PLA2G4C: variants seen among roughly 807,000 people sequenced by gnomAD.
PLA2G4C encodes the protein cytosolic phospholipase A2 gamma.
In PLA2G4C, 64 loss-of-function variants were observed where a neutral mutation model predicts 73.8. The ratio of observed to expected loss-of-function variants is 0.87; its 90% confidence interval spans 0.71 to 1.07. The LOEUF (loss-of-function observed/expected upper bound fraction) is 1.07, where lower values mean the gene tolerates loss of function less well. Ranked by LOEUF, PLA2G4C falls within the 50% of genes least tolerant of loss-of-function variation. PLA2G4C has a pLI of 0.00. For synonymous variants in PLA2G4C, 254 were observed against 252.1 expected (o/e 1.01, Z -0.07); for missense variants, 622 against 665.4 (o/e 0.93, Z 0.72).
At chr19:48,079,445 G>A (rs1167839670) in intron 10 of PLA2G4C, among the ~76,000 whole-genome samples, 2 of 152,132 alleles carry the variant, frequency 1.3e-5, no homozygotes, top group African/African-American at 4.8e-5. Flanking sequence ...TCAACAAATG[G>A]TGCTGGGATA....
At chr19:48,050,789 C>T (rs1481295837) in intron 16 of PLA2G4C, among the ~76,000 whole-genome samples, 1 of 150,638 alleles carries the variant, frequency 6.6e-6, no homozygotes, top group Non-Finnish European at 1.5e-5. Context: ...ATCCTCCTAC[C>T]TCAGCCTCCT....
chr19:48,051,902 C>T (rs1487916110), intron 16 of PLA2G4C: 1 of 120,888 alleles, frequency 8.3e-6, no homozygotes, highest in East Asian at 2.3e-4. Flanking sequence ...TTTTTAGAGG[C>T]AAGGTCTTGC....
At position 48,105,252 on chromosome 19, in the gene PLA2G4C, C is replaced by T. The variant is rs534916568; in HGVS notation, c.120+81G>A. On this transcript the variant is annotated intron_variant, in intron 3 of 16. Transcript: ENST00000599921. ...TTCATATCCTTCGGTCCAGCTCTCC[C>T]TGGCTGAGTTGGGCCCTGGACACTG... 89 of 870,670 alleles carry T rather than the reference C, an allele frequency of 1.0e-4. No individual in the cohort carries two copies. In the East Asian group the frequency reaches 1.9e-3, roughly 19 times the overall value. The allele number at this position is 870,670 out of a possible 1,614,324, so 53.9% of individuals were successfully genotyped here.
At chr19:48,055,377 C>T (rs1309325022) in intron 14 of PLA2G4C, among the ~76,000 whole-genome samples, 1 of 127,924 alleles carries the variant, frequency 7.8e-6, no homozygotes, top group Non-Finnish European at 1.6e-5. Context: ...TGTTGGAGAC[C>T]TCATCTCTAC....
rs769384259 is a variant in PLA2G4C, at chr19:48,106,509, TAA to T, written c.8+11_8+12del. Reference sequence around the variant, plus strand: ...TCTGCTTCCCCATAGTGGTCAGCTCTAAGAGGACTTACCTTCCCATGGTGCAC... The same window carrying T: ...TCTGCTTCCCCATAGTGGTCAGCTCTGAGGACTTACCTTCCCATGGTGCAC... On this transcript the variant is annotated intron_variant, in intron 2 of 16. Coordinates refer to ENST00000599921, the MANE Select transcript of PLA2G4C (RefSeq NM_003706.3). The T allele has an allele frequency of 6.2e-7, 1 of 1,600,864 alleles. No individual in the cohort carries two copies. Among genetic ancestry groups the T allele is most frequent in the East Asian group, 2.2e-5 (1 of 44,810 alleles).
intron 2 of PLA2G4C, among the ~76,000 whole-genome samples, chr19:48,106,293 A>G (rs2032233743): frequency 6.6e-6 from 1 of 151,930 alleles, no homozygotes; most frequent in Non-Finnish European, 1.5e-5. Flanking sequence ...GGGTTTCACC[A>G]TGTTGCCCAG....
chr19:48,055,910 C>T (rs1359190870), intron 14 of PLA2G4C, among the ~76,000 whole-genome samples: 1 of 152,112 alleles, frequency 6.6e-6, no homozygotes, highest in Admixed American at 6.6e-5. Flanking sequence ...AGGCATGAGC[C>T]ACCGCGCCCG....
intron 11 of PLA2G4C, among the ~76,000 whole-genome samples, chr19:48,075,971 G>T (rs565302984): frequency 6.6e-5 from 10 of 152,202 alleles, no homozygotes; most frequent in Non-Finnish European, 1.3e-4. Context: ...ATTAAAGCCC[G>T]CCATGTGGCA....
chr19:48,055,178 T>C, intron 14 of PLA2G4C, 129 bp from the exon 15 acceptor site: 1 of 800,408 alleles, frequency 1.2e-6, no homozygotes, highest in Non-Finnish European at 2.0e-6. Flanking sequence ...AAGGGTCAGC[T>C]TGGACAGGGA....
chr19:48,049,267 CTTT>C (rs1320233616), intron 16 of PLA2G4C, among the ~76,000 whole-genome samples: 3 of 152,196 alleles, frequency 2.0e-5, no homozygotes, highest in Non-Finnish European at 4.4e-5. Context: ...TTTGCATTTA[CTTT>C]TCCTTTGCAC....
At position 48,055,091 on chromosome 19, in the gene PLA2G4C, GAAGACCC is replaced by G. The variant is rs770054774; in HGVS notation, c.1258-49_1258-43del. The stretch of plus-strand genomic sequence containing the variant: ...AAGAAATGGTTGCAAGACCTCTCCA[GAAGACCC>G]CTCCAGAAGACCCCTGGGGCCTGGA... On this transcript the variant is annotated intron_variant, in intron 14 of 16. Coordinates refer to ENST00000599921, the MANE Select transcript of PLA2G4C (RefSeq NM_003706.3). 13 of 227,748 alleles carry G rather than the reference GAAGACCC, an allele frequency of 5.7e-5. No individual in the cohort carries two copies. In the East Asian group the frequency reaches 7.5e-3, roughly 132 times the overall value. 14.1% of individuals were successfully genotyped at this position (227,748 alleles called of 1,614,324 possible).
At chr19:48,093,914 C>T (rs2031440321) in intron 7 of PLA2G4C, among the ~76,000 whole-genome samples, 1 of 152,172 alleles carries the variant, frequency 6.6e-6, no homozygotes, top group African/African-American at 2.4e-5. Flanking sequence ...GCTCTTCTCT[C>T]TCCTGCTACC....
At chr19:48,090,625 G>A (rs1320674702) in intron 7 of PLA2G4C, 1 of 573,774 alleles carries the variant, frequency 1.7e-6, no homozygotes, top group Non-Finnish European at 3.1e-6. Flanking sequence ...AAACAAGACA[G>A]ATAAAGTCCT....
chr19:48,092,458 T>C (rs572021605), intron 7 of PLA2G4C, among the ~76,000 whole-genome samples: 153 of 152,324 alleles, frequency 1.0e-3, no homozygotes, highest in Non-Finnish European at 1.6e-3. Context: ...CATAGACCCA[T>C]GTGCATGGCA....
intron 10 of PLA2G4C, among the ~76,000 whole-genome samples, chr19:48,079,117 C>A (rs1310355475): frequency 3.3e-5 from 5 of 152,168 alleles, no homozygotes; most frequent in Non-Finnish European, 2.9e-5. Context: ...ATCCACCCGC[C>A]TTGGCCTCCC....
chr19:48,110,531 T>TGCTCCGGAATCCGTTGCGGAGGCTTGG lies in PLA2G4C; in HGVS notation c.-78_-77insCCAAGCCTCCGCAACGGATTCCGGAGC. On this transcript the variant is annotated 5_prime_UTR_variant, in exon 1 of 17. Coordinates refer to ENST00000599921, the MANE Select transcript of PLA2G4C (RefSeq NM_003706.3). ...GTGTGCGCATGCGCGGTGGAGCTTG[T>TGCTCCGGAATCCGTTGCGGAGGCTTGG]GCTCCGGAATCCGGTGCGGAGGCTT... 7.2e-7 allele frequency: 1 copy of TGCTCCGGAATCCGTTGCGGAGGCTTGG among 1,386,156 alleles called. No homozygotes were observed. The highest frequency in any genetic ancestry group is 9.5e-7 in the Non-Finnish European group (1 of 1,049,480). 85.9% of individuals were successfully genotyped at this position (1,386,156 alleles called of 1,614,324 possible).
At chr19:48,073,604 A>G (rs2029936088) in intron 12 of PLA2G4C, among the ~76,000 whole-genome samples, 1 of 151,788 alleles carries the variant, frequency 6.6e-6, no homozygotes, top group Non-Finnish European at 1.5e-5. Flanking sequence ...TTGCATTACT[A>G]TAAAGAAGTA....
In PLA2G4C at chr19:48,048,073, T is replaced by A. The variant is rs1406445059; in HGVS notation, c.*270A>T. 1 of 487,902 alleles carries A rather than the reference T, an allele frequency of 2.0e-6. No individual in the cohort carries two copies. Among genetic ancestry groups the A allele is most frequent in the Non-Finnish European group, 3.6e-6 (1 of 280,434 alleles). 30.2% of individuals were successfully genotyped at this position (487,902 alleles called of 1,614,324 possible). On this transcript the variant is annotated 3_prime_UTR_variant, in exon 17 of 17. Transcript: ENST00000599921. ...GGACATTGGACATGATGCTTCTGAT[T>A]GTCAGACACTCATGCTCCAGCTCCA...
intron 14 of PLA2G4C, chr19:48,061,460 G>A (rs1968167904): frequency 1.3e-5 from 2 of 155,952 alleles, no homozygotes; most frequent in African/African-American, 4.8e-5. Context: ...TACGCACATT[G>A]GATCAGGCCA....
Sources: allele counts gnomAD v4.1 joint callset (sites outside exome capture counted in the v4.1 genomes callset), GRCh38; gene constraint gnomAD v4.1.1; transcripts MANE v1.5; gene names NCBI Gene and HGNC (gene_info 2026-07-23, HGNC 2026-07-21).